AFF2: variants seen among roughly 807,000 people sequenced by gnomAD.
The protein encoded by AFF2 is AF4/FMR2 family member 2.
A neutral mutation model predicts 76.9 loss-of-function variants in AFF2; 14 were observed. That is an observed-to-expected ratio of 0.18 (90% CI 0.12 to 0.28). The LOEUF (loss-of-function observed/expected upper bound fraction) is 0.28. Ranked by LOEUF, AFF2 falls within the 10% of genes least tolerant of loss-of-function variation. The probability of loss-of-function intolerance (pLI) is 1.00; values close to 1 mark genes in which losing one functional copy is unlikely to be tolerated. For synonymous variants in AFF2, 398 were observed against 366.7 expected (o/e 1.09, Z -0.98); for missense variants, 868 against 1,001.1 (o/e 0.87, Z 1.79).
At chrX:148,952,535 C>T (rs1452431217) in intron 9 of AFF2, among the ~76,000 whole-genome samples, 1 of 111,482 alleles carries the variant, frequency 9.0e-6, no homozygotes, top group Non-Finnish European at 1.9e-5. Flanking sequence ...GAACCTTCCC[C>T]CAAATTTAGA....
intron 1 of AFF2, among the ~76,000 whole-genome samples, chrX:148,591,425 AC>A (rs1258548230): frequency 1.8e-5 from 2 of 112,387 alleles, no homozygotes; most frequent in Non-Finnish European, 3.8e-5. Context: ...TAATTAACCA[AC>A]AAGAGCCTCA....
chrX:148,633,449 GCA>G (rs1415894676), intron 1 of AFF2, among the ~76,000 whole-genome samples: 4 of 111,675 alleles, frequency 3.6e-5, no homozygotes, highest in East Asian at 2.8e-4. Flanking sequence ...ATATGCATGT[GCA>G]CACACACACA....
At chrX:148,645,198 A>G (rs1258829428) in intron 1 of AFF2, among the ~76,000 whole-genome samples, 6 of 111,705 alleles carry the variant, frequency 5.4e-5, no homozygotes, top group Non-Finnish European at 1.1e-4. Context: ...AGGACCCAAA[A>G]GCTATAAAGA....
intron 3 of AFF2, among the ~76,000 whole-genome samples, chrX:148,768,374 C>A (rs782799602): frequency 2.7e-5 from 3 of 110,489 alleles, no homozygotes; most frequent in Non-Finnish European, 5.7e-5. Context: ...TGTCTCCTCT[C>A]CTGAAGAAGA....
intron 17 of AFF2, among the ~76,000 whole-genome samples, 175 bp downstream of exon 17, chrX:148,978,179 T>C (rs1013671954): frequency 8.9e-6 from 1 of 112,767 alleles, no homozygotes; most frequent in East Asian, 2.8e-4. Flanking sequence ...TCCTAACTTA[T>C]ACCCTTATCA....
intron 1 of AFF2, among the ~76,000 whole-genome samples, chrX:148,524,901 G>A (rs2052641996): frequency 9.0e-6 from 1 of 111,581 alleles, no homozygotes; most frequent in Non-Finnish European, 1.9e-5. Flanking sequence ...CAACTGTTGT[G>A]GGCACCTCTC....
At chrX:148,863,032 A>G (rs1005958107) in intron 7 of AFF2, among the ~76,000 whole-genome samples, 2 of 111,336 alleles carry the variant, frequency 1.8e-5, no homozygotes, top group Non-Finnish European at 3.8e-5. Context: ...TATAATACGC[A>G]TGTTTGGAAT....
intron 3 of AFF2, among the ~76,000 whole-genome samples, chrX:148,766,971 G>T (rs1557267811): frequency 9.0e-6 from 1 of 110,771 alleles, no homozygotes; most frequent in Non-Finnish European, 1.9e-5. Context: ...TTATTTGTTT[G>T]GTTCATTTTG....
intron 1 of AFF2, among the ~76,000 whole-genome samples, chrX:148,574,967 TG>T (rs2053270272): frequency 9.3e-6 from 1 of 107,912 alleles, no homozygotes; most frequent in Non-Finnish European, 1.9e-5. Context: ...TGTGTGTGTG[TG>T]TGTGTGTGTG....
At chrX:148,530,677 A>C (rs1362629063) in intron 1 of AFF2, among the ~76,000 whole-genome samples, 2 of 111,600 alleles carry the variant, frequency 1.8e-5, no homozygotes, top group African/African-American at 6.5e-5. Context: ...CTAACACAAA[A>C]TATGTTTCAT....
At chrX:148,952,421 G>A (rs782425247) in intron 9 of AFF2, among the ~76,000 whole-genome samples, 1 of 111,404 alleles carries the variant, frequency 9.0e-6, no homozygotes, top group Admixed American at 9.5e-5. Flanking sequence ...GGCTGCGAAG[G>A]CCCAGTAGAT....
chrX:148,956,437 C>T lies in AFF2; in HGVS notation c.2392C>T (p.Leu798=). The change falls in exon 11 of 21, where the codon CTG becomes TTG. Residue 798 remains leucine, a synonymous_variant. Transcript: ENST00000370460. The part of the protein sequence containing the change: ...ILSPLRDHEN[L]KNLWVKIDLD... ...GTCCCCTCTGCGAGATCATGAGAAC[C>T]TGAAAAACCTCTGGGTGAAGATTGA... is the stretch of plus-strand genomic sequence containing the variant. The T allele has an allele frequency of 8.3e-7, 1 of 1,211,623 alleles. No individual in the cohort carries two copies. The highest frequency in any genetic ancestry group is 1.1e-6 in the Non-Finnish European group (1 of 895,430).
intron 1 of AFF2, among the ~76,000 whole-genome samples, chrX:148,650,901 ATTAAGTC>A (rs2054196728): frequency 8.9e-6 from 1 of 112,273 alleles, no homozygotes; most frequent in African/African-American, 3.2e-5. Flanking sequence ...CAATTATCTA[ATTAAGTC>A]TTAACATGGG....
In AFF2 at chrX:148,837,741, C is replaced by G. The variant is rs2070545650; in HGVS notation, c.1173+8C>G. ...TTTTCCATCCCAGGACAGGTCAGTT[C>G]TCTTCCTTCCTGCATTTTTGTTTGT... On this transcript the variant is annotated splice_region_variant and intron_variant, in intron 5 of 20. Transcript: ENST00000370460. 1 of 1,113,854 alleles carries G rather than the reference C, an allele frequency of 9.0e-7. No homozygotes were observed. Among genetic ancestry groups the G allele is most frequent in the Admixed American group, 2.3e-5 (1 of 43,109 alleles). The allele number at this position is 1,113,854 out of a possible 1,213,427, so 91.8% of individuals were successfully genotyped here.
At chrX:148,879,438 T>A (rs1374145608) in intron 7 of AFF2, among the ~76,000 whole-genome samples, 1 of 112,283 alleles carries the variant, frequency 8.9e-6, no homozygotes. Flanking sequence ...CAAAACAAAC[T>A]ACTTTAATCT....
intron 9 of AFF2, among the ~76,000 whole-genome samples, chrX:148,951,167 ACACACACACACACG>A (rs1557286566): frequency 5.2e-5 from 1 of 19,058 alleles, no homozygotes; most frequent in African/African-American, 1.2e-4. Context: ...ACATACACGC[ACACACACACACACG>A]CACACACACA....
chrX:148,904,858 C>T (rs782194616), intron 9 of AFF2, among the ~76,000 whole-genome samples: 31 of 112,420 alleles, frequency 2.8e-4, no homozygotes, highest in Admixed American at 4.7e-4. Flanking sequence ...CTTAGACATC[C>T]TGTCTCTTCC....
In AFF2 at chrX:148,809,890, T is replaced by C. The variant is rs2070182064; in HGVS notation, c.1056T>C (p.Ser352=). 2 of 1,209,551 alleles carry C rather than the reference T, an allele frequency of 1.7e-6. No homozygotes were observed. Among genetic ancestry groups the C allele is most frequent in the Admixed American group, 4.4e-5 (2 of 45,745 alleles). Residue 352 remains serine, a synonymous_variant, in exon 4 of 21, where the codon AGT becomes AGC. Coordinates refer to ENST00000370460, the MANE Select transcript of AFF2 (RefSeq NM_002025.4). ...ILQTSEVSLP[S]DPSCVEEILR... ...TTTTGTTTCAGGTAAGCCTTCCCAG[T>C]GATCCAAGCTGTGTTGAAGAAATCT... is the stretch of plus-strand genomic sequence containing the variant.
chrX:148,655,263 C>A (rs2054239499), intron 2 of AFF2, among the ~76,000 whole-genome samples: 1 of 95,441 alleles, frequency 1.0e-5, no homozygotes, highest in South Asian at 5.6e-4. Flanking sequence ...CTTTGTGCTT[C>A]CTGATGGGGA....
Sources: gnomAD v4.1 joint callset for allele counts (sites outside exome capture counted in the v4.1 genomes callset) on GRCh38, gnomAD v4.1.1 for gene constraint, MANE v1.5 for transcripts, NCBI Gene and HGNC (gene_info 2026-07-23, HGNC 2026-07-21) for gene names.